NPEPPS: variants seen among roughly 807,000 people sequenced by gnomAD.
NPEPPS encodes the protein puromycin-sensitive aminopeptidase.
Under a neutral mutation model 115.5 loss-of-function variants are expected in NPEPPS, and 14 were observed. The observed-to-expected ratio is 0.12, with a 90% CI of 0.08 to 0.19. NPEPPS has a LOEUF of 0.19. NPEPPS is among the 10% of genes least tolerant of loss of function. NPEPPS has a pLI of 1.00. For missense variants in NPEPPS, 523 were observed against 1,110.8 expected, an observed-to-expected ratio of 0.47 and a Z score of 7.52; for synonymous variants, 285 against 390.6, an observed-to-expected ratio of 0.73 and a Z score of 3.19.
chr17:47,545,776 G>C, intron 1 of NPEPPS, 133 bp from the exon 2 acceptor site: 1 of 1,367,802 alleles, frequency 7.3e-7, no homozygotes, highest in Admixed American at 2.3e-5. Flanking sequence ...CTCACTCCTG[G>C]GCTCAAGCGA....
At chr17:47,562,763 T>TA (rs1269959031) in intron 2 of NPEPPS, among the ~76,000 whole-genome samples, 2 of 146,116 alleles carry the variant, frequency 1.4e-5, no homozygotes, top group Non-Finnish European at 3.0e-5. Flanking sequence ...TTAGTTAATT[T>TA]AAAAAAAAGT....
intron 3 of NPEPPS, among the ~76,000 whole-genome samples, chr17:47,569,702 C>G (rs1911079212): frequency 6.6e-6 from 1 of 151,938 alleles, no homozygotes; most frequent in Non-Finnish European, 1.5e-5. Context: ...ACTACAACCT[C>G]CACCTTCCAG....
chr17:47,612,291 T>G (rs1380021808), intron 17 of NPEPPS, among the ~76,000 whole-genome samples, 169 bp from the exon 18 acceptor site: 1 of 152,226 alleles, frequency 6.6e-6, no homozygotes, highest in Non-Finnish European at 1.5e-5. Context: ...CATATCACTC[T>G]TATGATTTGA....
At chr17:47,603,194 C>G (rs1290571216) in intron 15 of NPEPPS, among the ~76,000 whole-genome samples, 2 of 152,090 alleles carry the variant, frequency 1.3e-5, no homozygotes, top group African/African-American at 2.4e-5. Context: ...GGCGGATCAC[C>G]TGAGGTCAGG....
upstream of NPEPPS, among the ~76,000 whole-genome samples, chr17:47,526,582 T>C (rs1467010404): frequency 6.6e-6 from 1 of 152,252 alleles, no homozygotes; most frequent in Non-Finnish European, 1.5e-5. Flanking sequence ...CTTAAATGGT[T>C]ATGAATGAAA....
intron 22 of NPEPPS, chr17:47,620,063 A>G (rs1914454534): frequency 3.3e-6 from 1 of 300,888 alleles, no homozygotes. Flanking sequence ...TGAAACCCCA[A>G]ATTAGCTGGA....
intron 2 of NPEPPS, among the ~76,000 whole-genome samples, chr17:47,548,029 A>T (rs1293758547): frequency 1.3e-5 from 2 of 152,196 alleles, no homozygotes; most frequent in Non-Finnish European, 2.9e-5. Context: ...CCGTCTCAAA[A>T]AAATAAATAA....
chr17:47,605,513 A>G lies in NPEPPS; in HGVS notation c.2056A>G (p.Ile686Val), dbSNP rs866093835. 2.5e-6 allele frequency: 4 copies of G among 1,599,488 alleles called. No individual in the cohort carries two copies. The highest frequency in any genetic ancestry group is 2.3e-5 in the South Asian group (2 of 88,666). Residue 686 changes from isoleucine to valine, a missense_variant, in exon 17 of 23, where the codon ATA becomes GTA. Around this residue, in one of 4 missense-constraint regions of NPEPPS, gnomAD observed 372 missense variants for 542.6 expected, o/e 0.69. Coordinates refer to ENST00000322157, the MANE Select transcript of NPEPPS (RefSeq NM_006310.4). ...QEFVKDVFSP[I>V]GERLGWDPKP... ...GTTTGTGAAAGATGTCTTTTCACCTATAGGGGAGAGACTGGGCTGGGACCC... is the reference window on the plus strand; with the variant it reads ...GTTTGTGAAAGATGTCTTTTCACCTGTAGGGGAGAGACTGGGCTGGGACCC...
chr17:47,551,403 C>A (rs1051198103), intron 2 of NPEPPS, among the ~76,000 whole-genome samples: 2 of 150,640 alleles, frequency 1.3e-5, no homozygotes, highest in African/African-American at 4.9e-5. Context: ...GAACTTTTTA[C>A]CCCTGTAAAT....
intron 2 of NPEPPS, among the ~76,000 whole-genome samples, chr17:47,566,903 C>A (rs1229018206): frequency 4.6e-5 from 7 of 152,000 alleles, no homozygotes; most frequent in Non-Finnish European, 7.4e-5. Context: ...GGGGAAACCC[C>A]TGTCTCTACT....
rs1389627175 is a variant in NPEPPS, at chr17:47,531,348, C to T, written c.48C>T (p.Phe16=). ...CCTCCCTCGCTCGCCGCCTGCTCTT[C>T]CTCGGCCCTCCGCCTCCTCCCCTCC... ...AAPSLARRLL[F]LGPPPPPLLL... Residue 16 remains phenylalanine, a synonymous_variant, in exon 1 of 23, where the codon TTC becomes TTT. Coordinates refer to ENST00000322157, the MANE Select transcript of NPEPPS (RefSeq NM_006310.4). 6.6e-6 allele frequency: 10 copies of T among 1,508,762 alleles called. No homozygotes were observed. The highest frequency in any genetic ancestry group is 2.0e-5 in the Admixed American group (1 of 50,528). 93.5% of individuals were successfully genotyped at this position (1,508,762 alleles called of 1,614,324 possible).
intron 17 of NPEPPS, among the ~76,000 whole-genome samples, chr17:47,611,514 A>AG (rs1567871290): frequency 1.3e-5 from 2 of 151,256 alleles, no homozygotes; most frequent in Non-Finnish European, 2.9e-5. Flanking sequence ...GGAGTACAGT[A>AG]GTGTGATCAT....
chr17:47,572,731 A>T (rs916161573), intron 3 of NPEPPS, among the ~76,000 whole-genome samples: 1 of 152,214 alleles, frequency 6.6e-6, no homozygotes, highest in South Asian at 2.1e-4. Context: ...AGCAGAACCA[A>T]CATCCATCTA....
chr17:47,535,120 G>A (rs1349678981), intron 1 of NPEPPS, among the ~76,000 whole-genome samples: 2 of 149,786 alleles, frequency 1.3e-5, no homozygotes, highest in Non-Finnish European at 3.0e-5. Context: ...GCGGGAGCCT[G>A]TAGTCCCAGC....
At chr17:47,621,709 T>A in intron 22 of NPEPPS, 59 bp from the exon 23 acceptor site, 1 of 1,502,382 alleles carries the variant, frequency 6.7e-7, no homozygotes, top group Non-Finnish European at 9.1e-7. Flanking sequence ...TTTCATAACC[T>A]GTAATATTAA....
At position 47,622,142 on chromosome 17, in the gene NPEPPS, G is replaced by A. The variant is rs1190678567; in HGVS notation, c.*222G>A. On this transcript the variant is annotated 3_prime_UTR_variant, in exon 23 of 23. Transcript: ENST00000322157. ...CAAAAAATAAATAAAAAATAAAAAT[G>A]TAAATATGATAGTAATAAAATAGAG... 1.7e-6 allele frequency: 2 copies of A among 1,211,296 alleles called. No homozygotes were observed. Among genetic ancestry groups the A allele is most frequent in the Non-Finnish European group, 2.1e-6 (2 of 957,268 alleles). The allele number at this position is 1,211,296 out of a possible 1,614,324, so 75.0% of individuals were successfully genotyped here. A position where few individuals can be genotyped will look rare whatever the true frequency, so the allele number is the denominator to read the frequency against.
In NPEPPS at chr17:47,622,997, C is replaced by CTGTT; in HGVS notation, c.*1080_*1083dup. 2.3e-6 allele frequency: 1 copy of CTGTT among 434,952 alleles called. No individual in the cohort carries two copies. The highest frequency in any genetic ancestry group is 4.6e-6 in the Non-Finnish European group (1 of 219,626). 26.9% of individuals were successfully genotyped at this position (434,952 alleles called of 1,614,324 possible). On this transcript the variant is annotated 3_prime_UTR_variant, in exon 23 of 23. Transcript: ENST00000322157. ...AAAGACTGTAAGCCTGTGTGTGCCACTGTTTGCTTCAACAGTATATCCTAA... is the reference window on the plus strand; with the variant it reads ...AAAGACTGTAAGCCTGTGTGTGCCACTGTTTGTTTGCTTCAACAGTATATCCTAA...
chr17:47,596,909 A>G (rs1398197016), intron 13 of NPEPPS, among the ~76,000 whole-genome samples: 1 of 152,202 alleles, frequency 6.6e-6, no homozygotes, highest in Non-Finnish European at 1.5e-5. Flanking sequence ...TTAGCTGAGC[A>G]TGGTGGCACA....
At chr17:47,594,799 A>AT (rs1463116164) in intron 12 of NPEPPS, among the ~76,000 whole-genome samples, 1 of 151,206 alleles carries the variant, frequency 6.6e-6, no homozygotes, top group Non-Finnish European at 1.5e-5. Flanking sequence ...CGCCCGGCTA[A>AT]TTTTTTGTAT....
Sources: allele counts gnomAD v4.1 joint callset (sites outside exome capture counted in the v4.1 genomes callset), GRCh38; gene constraint gnomAD v4.1.1; regional missense constraint gnomAD v4.1.1; transcripts MANE v1.5; gene names NCBI Gene and HGNC (gene_info 2026-07-23, HGNC 2026-07-21).